ARHGAP12: variants seen among roughly 807,000 people sequenced by gnomAD.
The protein encoded by ARHGAP12 is Rho GTPase activating protein 12.
In ARHGAP12, 64 loss-of-function variants were observed where a neutral mutation model predicts 108.6. The ratio of observed to expected loss-of-function variants is 0.59; its 90% confidence interval spans 0.48 to 0.73. ARHGAP12 has a LOEUF of 0.73. Ranked by LOEUF, ARHGAP12 falls within the 30% of genes least tolerant of loss-of-function variation. The pLI, the probability that ARHGAP12 is intolerant of heterozygous loss-of-function variation, is 0.00. For synonymous variants in ARHGAP12, 312 were observed against 337.2 expected (o/e 0.93, Z 0.82); for missense variants, 940 against 1,005.9 (o/e 0.93, Z 0.89).
chr10:31,924,876 G>A (rs1262987328), intron 1 of ARHGAP12, among the ~76,000 whole-genome samples: 3 of 151,676 alleles, frequency 2.0e-5, no homozygotes, highest in South Asian at 2.1e-4. Flanking sequence ...TTTGTGAGAA[G>A]AAAGAAAAAA....
intron 3 of ARHGAP12, among the ~76,000 whole-genome samples, chr10:31,864,319 G>C (rs970811417): frequency 6.6e-6 from 1 of 151,780 alleles, no homozygotes; most frequent in Non-Finnish European, 1.5e-5. Flanking sequence ...TTCATAATAG[G>C]AAAAAAACTA....
At chr10:31,875,453 A>C (rs992971920) in intron 3 of ARHGAP12, among the ~76,000 whole-genome samples, 3 of 152,220 alleles carry the variant, frequency 2.0e-5, no homozygotes, top group African/African-American at 7.2e-5. Flanking sequence ...CAATGAGAAT[A>C]CAGTTCCCAC....
intron 9 of ARHGAP12, among the ~76,000 whole-genome samples, chr10:31,835,775 T>G (rs1835993557): frequency 6.6e-6 from 1 of 152,144 alleles, no homozygotes; most frequent in Non-Finnish European, 1.5e-5. Flanking sequence ...ACCACTGTAA[T>G]GAAACATCCA....
intron 6 of ARHGAP12, among the ~76,000 whole-genome samples, chr10:31,846,031 C>A (rs1836450486): frequency 6.6e-6 from 1 of 152,070 alleles, no homozygotes; most frequent in South Asian, 2.1e-4. Flanking sequence ...TCTACAGTTT[C>A]TTGAGCCTCT....
rs577348311 is a variant in ARHGAP12 at position 31,824,207 on chromosome 10, T to C, written c.1530+2097A>G. Among the ~76,000 whole-genome samples, 15 of 152,294 alleles carry C rather than the reference T, an allele frequency of 9.8e-5. No individual in the cohort carries two copies. In the South Asian group the frequency reaches 2.9e-3, roughly 29 times the overall value. On this transcript the variant is annotated intron_variant, in intron 11 of 19. Coordinates refer to ENST00000344936, the MANE Select transcript of ARHGAP12 (RefSeq NM_018287.7). ...TTTAAAATTAGCCATAAAATACAAA[T>C]TAAGAATTGACTGTACAACCAAGCA...
intron 3 of ARHGAP12, among the ~76,000 whole-genome samples, chr10:31,905,953 T>C (rs563615531): frequency 3.9e-5 from 6 of 152,194 alleles, no homozygotes; most frequent in Admixed American, 3.3e-4. Flanking sequence ...AATCCTGATA[T>C]GCACACCCCT....
At chr10:31,896,422 A>G (rs1838699050) in intron 3 of ARHGAP12, among the ~76,000 whole-genome samples, 1 of 151,526 alleles carries the variant, frequency 6.6e-6, no homozygotes, top group African/African-American at 2.4e-5. Flanking sequence ...AGCTTTATAG[A>G]TTTCTGGCCT....
intron 1 of ARHGAP12, among the ~76,000 whole-genome samples, chr10:31,924,857 C>T (rs1433764095): frequency 1.3e-5 from 2 of 152,004 alleles, no homozygotes; most frequent in African/African-American, 4.8e-5. Context: ...ATACAAACCT[C>T]AAAAGATGTT....
intron 3 of ARHGAP12, among the ~76,000 whole-genome samples, chr10:31,876,107 G>A (rs755064930): frequency 2.6e-5 from 4 of 152,180 alleles, no homozygotes; most frequent in Non-Finnish European, 5.9e-5. Context: ...TGAACATGGT[G>A]TACAAACACC....
rs528258167 is a variant in ARHGAP12, at chr10:31,832,048, T to C, written c.1387-248A>G. 2.0e-5 allele frequency among the ~76,000 whole-genome samples: 3 copies of C among 152,286 alleles called. No individual in the cohort carries two copies. In the South Asian group the frequency reaches 6.2e-4, roughly 32 times the overall value. On this transcript the variant is annotated intron_variant, in intron 9 of 19. Coordinates refer to ENST00000344936, the MANE Select transcript of ARHGAP12 (RefSeq NM_018287.7). ...TAAGTCACAGCAGCTATTAGATACT[T>C]TGCTATCAAATTAGATTTCCATATG...
chr10:31,922,180 CAAAAAAAAA>C (rs56210740), intron 1 of ARHGAP12, among the ~76,000 whole-genome samples: 1 of 66,120 alleles, frequency 1.5e-5, no homozygotes, highest in Admixed American at 1.8e-4. Flanking sequence ...GACCCTGCCT[CAAAAAAAAA>C]AAAAAAAAAA....
intron 4 of ARHGAP12, among the ~76,000 whole-genome samples, chr10:31,855,350 T>C (rs570361791): frequency 3.3e-5 from 5 of 152,296 alleles, no homozygotes; most frequent in South Asian, 4.1e-4. Flanking sequence ...TTAGCACTCA[T>C]GTGCAAATGA....
intron 1 of ARHGAP12, among the ~76,000 whole-genome samples, chr10:31,927,530 A>C (rs967552680): frequency 2.6e-5 from 4 of 152,166 alleles, no homozygotes; most frequent in African/African-American, 9.7e-5. Context: ...TTAGGAACGC[A>C]TGCCTAAATA....
chr10:31,809,523 T>C (rs1834938703), intron 16 of ARHGAP12: 2 of 514,136 alleles, frequency 3.9e-6, no homozygotes, highest in Non-Finnish European at 7.0e-6. Context: ...GCAGTAATTC[T>C]ACTCTGCTCA....
At chr10:31,823,463 A>T (rs1835488084) in intron 11 of ARHGAP12, among the ~76,000 whole-genome samples, 1 of 150,976 alleles carries the variant, frequency 6.6e-6, no homozygotes, top group Admixed American at 6.6e-5. Context: ...AATTTTAACC[A>T]TCCACTCTCT....
chr10:31,814,900 C>T (rs1021764489), intron 13 of ARHGAP12, among the ~76,000 whole-genome samples: 2 of 151,940 alleles, frequency 1.3e-5, no homozygotes, highest in Admixed American at 1.3e-4. Context: ...GGCGAATCAC[C>T]TGAGGTTATG....
At chr10:31,918,824 G>A (rs1032281182) in intron 1 of ARHGAP12, among the ~76,000 whole-genome samples, 3 of 152,206 alleles carry the variant, frequency 2.0e-5, no homozygotes, top group Non-Finnish European at 4.4e-5. Flanking sequence ...AAATGGTATG[G>A]TAGTTCCTCA....
chr10:31,881,505 T>C (rs1038687625), intron 3 of ARHGAP12, among the ~76,000 whole-genome samples: 1 of 152,252 alleles, frequency 6.6e-6, no homozygotes, highest in African/African-American at 2.4e-5. Flanking sequence ...CACAAAGTTT[T>C]GAACATTTTA....
At chr10:31,829,339 G>A (rs908395141) in intron 10 of ARHGAP12, among the ~76,000 whole-genome samples, 5 of 152,172 alleles carry the variant, frequency 3.3e-5, no homozygotes, top group African/African-American at 1.2e-4. Flanking sequence ...GGGGATGGAG[G>A]AAGAGGGAAT....
Sources: allele counts gnomAD v4.1 joint callset (sites outside exome capture counted in the v4.1 genomes callset), GRCh38; gene constraint gnomAD v4.1.1; transcripts MANE v1.5; gene names NCBI Gene and HGNC (gene_info 2026-07-23, HGNC 2026-07-21).